Variants in NPSR1 observed in about 807,000 individuals in gnomAD.
NPSR1 encodes neuropeptide S receptor 1.
NPSR1 carries 48 observed loss-of-function variants against 46.9 expected under a neutral mutation model. The ratio of observed to expected loss-of-function variants is 1.02; its 90% CI spans 0.81 to 1.30. The LOEUF (loss-of-function observed/expected upper bound fraction) is 1.30, where lower values mean the gene tolerates loss of function less well. Ranked by LOEUF, NPSR1 falls within the 50% of genes most tolerant of loss-of-function variation. NPSR1 has a pLI of 0.00. For synonymous variants in NPSR1, 176 were observed against 168.1 expected, an observed-to-expected ratio of 1.05 and a Z score of -0.36; for missense variants, 450 against 449.5, an observed-to-expected ratio of 1.00 and a Z score of -0.01.
chr7:34,777,910 A>G (rs1787046307), intron 2 of NPSR1, among the ~76,000 whole-genome samples: 2 of 152,148 alleles, frequency 1.3e-5, no homozygotes, highest in Admixed American at 6.6e-5. Flanking sequence ...AAGTATATTA[A>G]TTAAATGGAT....
Position 34,844,931 on chromosome 7 carries a change from A to G in NPSR1, c.793A>G (p.Ile265Val). 6.2e-7 allele frequency: 1 copy of G among 1,613,082 alleles called. No homozygotes were observed. Among genetic ancestry groups the G allele is most frequent in the East Asian group, 2.2e-5 (1 of 44,890 alleles). Residue 265 changes from isoleucine to valine, a missense_variant, in exon 7 of 9, where the codon ATC becomes GTC. By Grantham distance (29) the Ile-to-Val change is conservative (BLOSUM62 3). Transcript: ENST00000360581. ...GTGCAGCAGCTATAACCGAGGACTC[A>G]TCTCAAAGGCAAAAATCAAGGCTAT... The part of the protein sequence containing the change: ...KLCSSYNRGL[I>V]SKAKIKAIKY...
chr7:34,749,406 A>G (rs1420641571), intron 2 of NPSR1, among the ~76,000 whole-genome samples: 2 of 152,220 alleles, frequency 1.3e-5, no homozygotes, highest in Non-Finnish European at 2.9e-5. Context: ...GAAGATGTTC[A>G]TTATTGGGAG....
intron 1 of NPSR1, among the ~76,000 whole-genome samples, chr7:34,675,516 T>C (rs1379925): frequency 0.12 from 18,640 of 152,232 alleles, 1,221 homozygotes; most frequent in Middle Eastern, 0.17. Context: ...TGTAAGTAGC[T>C]TTGCACTTGT....
intron 4 of NPSR1, among the ~76,000 whole-genome samples, chr7:34,815,903 G>C (rs926310916): frequency 7.9e-5 from 12 of 152,102 alleles, no homozygotes; most frequent in African/African-American, 2.9e-4. Context: ...CCTTACAAGA[G>C]CTCCTGAAGG....
intron 8 of NPSR1, among the ~76,000 whole-genome samples, chr7:34,864,606 C>T (rs1424021865): frequency 6.6e-6 from 1 of 151,796 alleles, no homozygotes; most frequent in Non-Finnish European, 1.5e-5. Flanking sequence ...CAAAATATAT[C>T]CCAATTTCTT....
intron 3 of NPSR1, among the ~76,000 whole-genome samples, chr7:34,790,945 CATATATGTTATATGTTATATTAT>C (rs1562729999): frequency 2.1e-5 from 2 of 96,740 alleles, no homozygotes; most frequent in African/African-American, 9.1e-5. Context: ...TATTATATAT[CATATATGTTATATGTTATATTAT>C]ATATGTTATA....
intron 8 of NPSR1, among the ~76,000 whole-genome samples, chr7:34,865,735 C>G (rs1462098688): frequency 6.6e-6 from 1 of 151,712 alleles, no homozygotes; most frequent in African/African-American, 2.4e-5. Flanking sequence ...CCATGAATGC[C>G]AGTCACATGG....
intron 3 of NPSR1, among the ~76,000 whole-genome samples, chr7:34,809,743 C>A (rs1788893519): frequency 6.6e-6 from 1 of 152,060 alleles, no homozygotes; most frequent in Non-Finnish European, 1.5e-5. Context: ...GATTAAGCTT[C>A]ATATTCATTA....
chr7:34,797,547 A>T (rs1465097837), intron 3 of NPSR1, among the ~76,000 whole-genome samples: 5 of 152,240 alleles, frequency 3.3e-5, no homozygotes, highest in Non-Finnish European at 7.3e-5. Flanking sequence ...TGGGACAATT[A>T]CACAAAGTGT....
chr7:34,755,945 G>T (rs1785814697), intron 2 of NPSR1, among the ~76,000 whole-genome samples: 1 of 152,176 alleles, frequency 6.6e-6, no homozygotes, highest in African/African-American at 2.4e-5. Flanking sequence ...CAGAAACTGA[G>T]ACCGAAGGAG....
intron 3 of NPSR1, among the ~76,000 whole-genome samples, chr7:34,788,337 A>T (rs944144425): frequency 6.6e-6 from 1 of 152,098 alleles, no homozygotes; most frequent in East Asian, 1.9e-4. Flanking sequence ...GAAGACAGGA[A>T]AAATAGAAGA....
At chr7:34,867,465 G>A (rs1413020426) in intron 8 of NPSR1, among the ~76,000 whole-genome samples, 1 of 151,908 alleles carries the variant, frequency 6.6e-6, no homozygotes, top group African/African-American at 2.4e-5. Flanking sequence ...GAAGGGAACA[G>A]GCAATTGGCC....
chr7:34,867,923 C>G (rs1791354412), intron 8 of NPSR1, among the ~76,000 whole-genome samples: 1 of 151,912 alleles, frequency 6.6e-6, no homozygotes. Context: ...GAAAGTCCAG[C>G]CAGTATTATT....
intron 8 of NPSR1, among the ~76,000 whole-genome samples, chr7:34,870,537 T>C (rs1791426314): frequency 6.6e-6 from 1 of 151,776 alleles, no homozygotes; most frequent in Admixed American, 6.5e-5. Flanking sequence ...ATTCCATACC[T>C]ACAAGATATT....
At chr7:34,719,784 T>A (rs2128706816) in intron 2 of NPSR1, 1 of 152,230 alleles carries the variant, frequency 6.6e-6, no homozygotes, top group Non-Finnish European at 1.5e-5. Context: ...CAGCCCTCAG[T>A]GCAACCTGTC....
At chr7:34,875,701 A>G (rs2128771210) in intron 8 of NPSR1, among the ~76,000 whole-genome samples, 1 of 152,284 alleles carries the variant, frequency 6.6e-6, no homozygotes, top group Non-Finnish European at 1.5e-5. Context: ...AGCTGCAGGG[A>G]CAGTGGCACT....
At chr7:34,841,472 C>T (rs540757004) in intron 6 of NPSR1, among the ~76,000 whole-genome samples, 12 of 152,348 alleles carry the variant, frequency 7.9e-5, no homozygotes, top group East Asian at 1.9e-4. Flanking sequence ...ATCGAATGGA[C>T]GTGCCACTTT....
chr7:34,870,791 C>T (rs866140982), intron 8 of NPSR1, among the ~76,000 whole-genome samples: 2 of 151,650 alleles, frequency 1.3e-5, no homozygotes, highest in Non-Finnish European at 2.9e-5. Context: ...TGGGCTAGGG[C>T]TTTAAATTCG....
intron 3 of NPSR1, among the ~76,000 whole-genome samples, chr7:34,781,319 C>A (rs1307288230): frequency 6.6e-6 from 1 of 152,130 alleles, no homozygotes; most frequent in African/African-American, 2.4e-5. Context: ...ATATTCATCC[C>A]TCCAAAGCAT....
Sources: allele counts gnomAD v4.1 joint callset (sites outside exome capture counted in the v4.1 genomes callset), GRCh38; gene constraint gnomAD v4.1.1; transcripts MANE v1.5; gene names NCBI Gene and HGNC (gene_info 2026-07-23, HGNC 2026-07-21).